The following CNOT4 variants were observed in gnomAD, a reference collection of about 807,000 sequenced individuals.
The protein encoded by CNOT4 is CCR4-NOT transcription complex subunit 4, also known as CCR4-associated factor 4.
In CNOT4, 8 loss-of-function variants were observed where a neutral mutation model predicts 73.8. The ratio of observed to expected loss-of-function variants is 0.11; its 90% CI spans 0.06 to 0.20. CNOT4 has a LOEUF of 0.20. Among genes scored for constraint, CNOT4 ranks in the 10% least tolerant of loss-of-function variants. CNOT4 has a pLI of 1.00. For missense variants in CNOT4, 564 were observed against 883.4 expected (o/e 0.64, Z 4.58); for synonymous variants, 293 against 321.1 (o/e 0.91, Z 0.94).
rs186177175 is a variant in CNOT4 at position 135,499,876 on chromosome 7, A to C, written c.-93+10013T>G. ...AACATGAAAACCCCTGTTAAAACAA[A>C]CCCCCCAAGGAGAAGGCAATGGCTT... On this transcript the variant is annotated intron_variant, in intron 1 of 11. Transcript: ENST00000541284. Among the ~76,000 whole-genome samples the C allele has an allele frequency of 5.9e-4, 90 of 152,082 alleles. 1 individual carries two copies. The East Asian group carries it at 0.017, about 28-fold the overall frequency.
intron 1 of CNOT4, among the ~76,000 whole-genome samples, chr7:135,469,953 C>G (rs1283689821): frequency 2.0e-5 from 3 of 152,104 alleles, no homozygotes; most frequent in Admixed American, 1.3e-4. Context: ...TCCCGAGTAG[C>G]TGGGACTAGA....
chr7:135,469,016 C>T (rs1801404631), intron 1 of CNOT4, among the ~76,000 whole-genome samples: 1 of 152,040 alleles, frequency 6.6e-6, no homozygotes, highest in East Asian at 1.9e-4. Flanking sequence ...GGAAAGAAAT[C>T]AGGGGTGTAA....
rs547773713 is a variant in CNOT4, at chr7:135,454,684, G to A, written c.-92-16261C>T. On this transcript the variant is annotated intron_variant, in intron 1 of 11. Transcript: ENST00000541284. ...AAAGTAAATAAGTAAAAACAAAAAG[G>A]AGCTTGAGACCAGCCTGGGCAACGT... is the stretch of plus-strand genomic sequence containing the variant. Among the ~76,000 whole-genome samples the A allele has an allele frequency of 1.5e-3, 225 of 151,812 alleles. 1 individual carries two copies. The highest frequency in any genetic ancestry group is 5.1e-3 in the African/African-American group (213 of 41,402).
At chr7:135,376,269 T>C (rs986696715) in intron 10 of CNOT4, among the ~76,000 whole-genome samples, 2 of 152,208 alleles carry the variant, frequency 1.3e-5, no homozygotes, top group Non-Finnish European at 2.9e-5. Context: ...CAAACATTTA[T>C]TGCATGTCTA....
Position 135,363,043 on chromosome 7 carries a change from T to C in CNOT4, c.1984A>G (p.Thr662Ala). 6.2e-7 allele frequency: 1 copy of C among 1,612,750 alleles called. No individual in the cohort carries two copies. The highest frequency in any genetic ancestry group is 8.5e-7 in the Non-Finnish European group (1 of 1,179,698). ...CTGGCTCTGTGCAGCGGGATCTGTGTGCTGAAGGGGGCGCTGTGGTGGGTC... is the reference window on the plus strand; with the variant it reads ...CTGGCTCTGTGCAGCGGGATCTGTGCGCTGAAGGGGGCGCTGTGGTGGGTC... ...SQTHHSAPFSTQIPLHRASWN... is the reference protein window; with the variant it reads ...SQTHHSAPFSAQIPLHRASWN... Residue 662 changes from threonine (T) to alanine (A), a missense_variant, in exon 12 of 12, where the codon ACA becomes GCA. Coordinates refer to ENST00000541284, the MANE Select transcript of CNOT4 (RefSeq NM_001190850.2). The surrounding 1 kb of genome is among the most constrained non-coding windows in gnomAD (Gnocchi z 4.3).
intron 10 of CNOT4, among the ~76,000 whole-genome samples, chr7:135,378,643 A>C (rs1795659387): frequency 6.6e-6 from 1 of 152,018 alleles, no homozygotes; most frequent in Admixed American, 6.5e-5. Context: ...GAGTAAAAAG[A>C]CTGAGAAAAC....
At chr7:135,408,786 T>C (rs1029147665) in intron 7 of CNOT4, among the ~76,000 whole-genome samples, 4 of 152,182 alleles carry the variant, frequency 2.6e-5, no homozygotes, top group African/African-American at 9.7e-5. Flanking sequence ...ACAGAGGCAG[T>C]GGCCCCAACT....
intron 7 of CNOT4, among the ~76,000 whole-genome samples, chr7:135,403,590 T>C (rs1017495131): frequency 1.3e-5 from 2 of 151,970 alleles, no homozygotes; most frequent in African/African-American, 4.8e-5. Flanking sequence ...CCTCTCTCTT[T>C]AGAATAAATT....
intron 1 of CNOT4, among the ~76,000 whole-genome samples, chr7:135,471,505 T>A (rs1801573290): frequency 6.6e-6 from 1 of 152,206 alleles, no homozygotes; most frequent in Non-Finnish European, 1.5e-5. Context: ...AAGAATCAAG[T>A]TAAAGACTAA....
At chr7:135,429,814 C>T (rs915008248) in intron 2 of CNOT4, among the ~76,000 whole-genome samples, 2 of 152,054 alleles carry the variant, frequency 1.3e-5, no homozygotes, top group African/African-American at 4.8e-5. Flanking sequence ...GAAATAAGAC[C>T]GATGAATACC....
chr7:135,415,439 A>G (rs1358355223), intron 3 of CNOT4, among the ~76,000 whole-genome samples, 177 bp from the exon 4 acceptor site: 1 of 152,072 alleles, frequency 6.6e-6, no homozygotes, highest in Non-Finnish European at 1.5e-5. Flanking sequence ...AGGAAATCAA[A>G]AGAGTTTAAA....
At chr7:135,418,939 C>T (rs541025363) in intron 3 of CNOT4, among the ~76,000 whole-genome samples, 2 of 152,312 alleles carry the variant, frequency 1.3e-5, no homozygotes, top group South Asian at 2.1e-4. Context: ...GTCTTCCCTA[C>T]CAGTCTGTGA....
At chr7:135,424,823 AC>A (rs942206273) in intron 2 of CNOT4, among the ~76,000 whole-genome samples, 10 of 152,096 alleles carry the variant, frequency 6.6e-5, no homozygotes, top group Non-Finnish European at 1.2e-4. Flanking sequence ...ACAAAAAAAA[AC>A]AAACAAGTTC....
chr7:135,420,366 C>T (rs1167175474), intron 3 of CNOT4, among the ~76,000 whole-genome samples: 2 of 151,650 alleles, frequency 1.3e-5, no homozygotes, highest in East Asian at 3.9e-4. Flanking sequence ...TGCTTGAGCT[C>T]AGGAGTTCAA....
intron 10 of CNOT4, among the ~76,000 whole-genome samples, chr7:135,382,623 G>T (rs902379237): frequency 9.3e-5 from 14 of 151,244 alleles, no homozygotes; most frequent in African/African-American, 3.4e-4. Context: ...GGTACCTGGG[G>T]TTTTCACATT....
At chr7:135,427,267 A>G (rs1342731998) in intron 2 of CNOT4, among the ~76,000 whole-genome samples, 1 of 152,126 alleles carries the variant, frequency 6.6e-6, no homozygotes, top group African/African-American at 2.4e-5. Flanking sequence ...TAAACTTGCT[A>G]AGACTTTAAT....
At chr7:135,485,692 A>G (rs573898359) in intron 1 of CNOT4, among the ~76,000 whole-genome samples, 1 of 152,024 alleles carries the variant, frequency 6.6e-6, no homozygotes, top group Non-Finnish European at 1.5e-5. Context: ...TGCGACTTCC[A>G]TGGATGGAGA....
intron 1 of CNOT4, among the ~76,000 whole-genome samples, chr7:135,485,071 T>G: frequency 6.6e-6 from 1 of 152,070 alleles, no homozygotes; most frequent in African/African-American, 2.4e-5. Context: ...AGGAAGGATT[T>G]TGTTTGTTTG....
chr7:135,441,963 A>T (rs763575001), intron 1 of CNOT4, among the ~76,000 whole-genome samples: 1 of 152,170 alleles, frequency 6.6e-6, no homozygotes, highest in Non-Finnish European at 1.5e-5. Flanking sequence ...CAGCTGCCAA[A>T]AGTAATCTCA....
Sources: allele counts gnomAD v4.1 joint callset (sites outside exome capture counted in the v4.1 genomes callset), GRCh38; gene constraint gnomAD v4.1.1; non-coding constraint Gnocchi (gnomAD v3.1); transcripts MANE v1.5; gene names NCBI Gene and HGNC (gene_info 2026-07-23, HGNC 2026-07-21).